The following RYR2 variants were observed in gnomAD, a reference collection of about 807,000 sequenced individuals.
RYR2 encodes ryanodine receptor 2, also known as cardiac muscle ryanodine receptor-calcium release channel.
Under a neutral mutation model 601.1 loss-of-function variants are expected in RYR2, and 227 were observed. The observed-to-expected ratio is 0.38, with a 90% CI of 0.34 to 0.42. The LOEUF (loss-of-function observed/expected upper bound fraction) is 0.42. RYR2 is among the 10% of genes least tolerant of loss of function. RYR2 has a pLI of 1.00. For synonymous variants in RYR2, 2,223 were observed against 2,175.1 expected (o/e 1.02, Z -0.61); for missense variants, 4,646 against 6,156.5 (o/e 0.75, Z 8.21).
chr1:237,799,828 AG>A (rs1457039019), intron 97 of RYR2, among the ~76,000 whole-genome samples: 2 of 152,212 alleles, frequency 1.3e-5, no homozygotes, highest in African/African-American at 4.8e-5. Context: ...GGGGTGGAAT[AG>A]CTGCAAGCAG....
chr1:237,759,891 GT>G, intron 83 of RYR2, 39 bp downstream of exon 83: 1 of 1,348,444 alleles, frequency 7.4e-7, no homozygotes, highest in Non-Finnish European at 1.0e-6. Context: ...CTACTCAGTG[GT>G]TGTATTTTTT....
At chr1:237,618,339 A>G (rs1433204875) in intron 38 of RYR2, among the ~76,000 whole-genome samples, 1 of 152,158 alleles carries the variant, frequency 6.6e-6, no homozygotes. Flanking sequence ...CTGCTTCTGG[A>G]AAGATGGAGT....
chr1:237,596,255 A>G (rs1319463454), intron 34 of RYR2, among the ~76,000 whole-genome samples: 3 of 152,234 alleles, frequency 2.0e-5, no homozygotes, highest in Non-Finnish European at 4.4e-5. Flanking sequence ...AATGATCTTA[A>G]GGGAACTCAG....
chr1:237,262,903 AT>A (rs551115674), intron 1 of RYR2, among the ~76,000 whole-genome samples: 31 of 149,488 alleles, frequency 2.1e-4, no homozygotes, highest in African/African-American at 5.6e-4. Context: ...GATGTGAGAG[AT>A]TTTTTTTTTA....
chr1:237,412,487 G>A (rs1367076856), intron 10 of RYR2, among the ~76,000 whole-genome samples: 1 of 152,148 alleles, frequency 6.6e-6, no homozygotes, highest in Non-Finnish European at 1.5e-5. Flanking sequence ...TTCCTATTCA[G>A]TGAAATTACA....
At chr1:237,198,266 T>G (rs1680781559) in intron 1 of RYR2, among the ~76,000 whole-genome samples, 1 of 152,208 alleles carries the variant, frequency 6.6e-6, no homozygotes, top group South Asian at 2.1e-4. Context: ...GCAGGACTAT[T>G]TAGTTTATGT....
At chr1:237,156,954 A>T (rs1461038071) in intron 1 of RYR2, among the ~76,000 whole-genome samples, 1 of 152,222 alleles carries the variant, frequency 6.6e-6, no homozygotes, top group Non-Finnish European at 1.5e-5. Context: ...AAAGTAGTAC[A>T]GCCACTGTGG....
intron 80 of RYR2, chr1:237,755,110 ACT>A: frequency 1.6e-6 from 2 of 1,287,780 alleles, no homozygotes; most frequent in South Asian, 1.2e-5. Flanking sequence ...CTCGGCGAGA[ACT>A]CTCTGGTAAC....
chr1:237,701,901 TAC>T, intron 65 of RYR2, 75 bp from the exon 66 acceptor site: 1 of 779,824 alleles, frequency 1.3e-6, no homozygotes. Context: ...AACTGAATAG[TAC>T]ATAGCTTAAG....
intron 1 of RYR2, among the ~76,000 whole-genome samples, chr1:237,113,431 C>T (rs576042136): frequency 1.3e-5 from 2 of 151,966 alleles, no homozygotes; most frequent in Non-Finnish European, 2.9e-5. Context: ...GAACTCCTGA[C>T]CTCAGATGAT....
chr1:237,209,021 A>G (rs1172686118), intron 1 of RYR2, among the ~76,000 whole-genome samples: 1 of 139,534 alleles, frequency 7.2e-6, no homozygotes, highest in Admixed American at 7.5e-5. Flanking sequence ...AGCCATGTGA[A>G]AATTTTTTAA....
intron 47 of RYR2, among the ~76,000 whole-genome samples, chr1:237,641,513 C>CTTTCTTTCTTTCTTTCTT (rs1456109232): frequency 1.1e-4 from 13 of 120,878 alleles, no homozygotes; most frequent in Non-Finnish European, 1.5e-4. Flanking sequence ...TTCTTTCTTT[C>CTTTCTTTCTTTCTTTCTT]TTTCTTTCTT....
intron 1 of RYR2, among the ~76,000 whole-genome samples, chr1:237,263,520 T>A (rs1278951369): frequency 6.6e-6 from 1 of 152,220 alleles, no homozygotes; most frequent in East Asian, 1.9e-4. Flanking sequence ...GTTTATGAAT[T>A]CTGTTCCTTG....
chr1:237,283,056 G>A (rs1691062519), intron 2 of RYR2, among the ~76,000 whole-genome samples: 1 of 152,056 alleles, frequency 6.6e-6, no homozygotes, highest in South Asian at 2.1e-4. Flanking sequence ...CCTCCAGTTG[G>A]GTTTTAATAA....
chr1:237,231,486 A>G (rs1301329209), intron 1 of RYR2, among the ~76,000 whole-genome samples: 1 of 152,066 alleles, frequency 6.6e-6, no homozygotes, highest in East Asian at 1.9e-4. Context: ...CTAGATGTAT[A>G]TGGGGCTATG....
intron 84 of RYR2, among the ~76,000 whole-genome samples, chr1:237,763,719 A>G (rs923235592): frequency 1.3e-5 from 2 of 152,318 alleles, no homozygotes; most frequent in South Asian, 4.1e-4. Flanking sequence ...CTATTGCCTT[A>G]ATCAAGAGAC....
chr1:237,382,351 A>G (rs1701589411), intron 8 of RYR2, among the ~76,000 whole-genome samples: 1 of 151,758 alleles, frequency 6.6e-6, no homozygotes, highest in African/African-American at 2.4e-5. Context: ...TTCTTACCCA[A>G]CTCTAAATTT....
In RYR2 at chr1:237,757,686, A is replaced by G; in HGVS notation, c.11246-11A>G. The G allele has an allele frequency of 6.3e-7, 1 of 1,579,810 alleles. No individual in the cohort carries two copies. Among genetic ancestry groups the G allele is most frequent in the Non-Finnish European group, 8.7e-7 (1 of 1,149,236 alleles). ...ATGATATAAGGAACACTACTTTTTT[A>G]TATTTCTTAGGTGAAACTGGACCAA... On this transcript the variant is annotated splice_polypyrimidine_tract_variant and intron_variant, in intron 81 of 104. Coordinates refer to ENST00000366574, the MANE Select transcript of RYR2 (RefSeq NM_001035.3).
Position 237,795,296 on chromosome 1 carries a change from C to T in RYR2, c.13921C>T (p.Pro4641Ser). ...DRLVINTQSFPNNYWDKFVKR... is the reference protein window; with the variant it reads ...DRLVINTQSFSNNYWDKFVKR... ...TGCTTTTGTATATTTTAGGTCATTTCCCAACAACTACTGGGACAAATTTGT... is the reference window on the plus strand; with the variant it reads ...TGCTTTTGTATATTTTAGGTCATTTTCCAACAACTACTGGGACAAATTTGT... Residue 4641 changes from proline (P) to serine (S), a missense_variant, in exon 96 of 105, where the codon CCC (proline) becomes TCC (serine). Physicochemically the swap from Pro to Ser is moderately conservative, Grantham distance 74 (BLOSUM62 -1). Around this residue, in one of 17 missense-constraint regions of RYR2, gnomAD observed 37 missense variants for 102.8 expected, o/e 0.36. Coordinates refer to ENST00000366574, the MANE Select transcript of RYR2 (RefSeq NM_001035.3). 7.1e-7 allele frequency: 1 copy of T among 1,401,638 alleles called. No individual in the cohort carries two copies. Among genetic ancestry groups the T allele is most frequent in the Non-Finnish European group, 9.8e-7 (1 of 1,018,910 alleles). The allele number at this position is 1,401,638 out of a possible 1,614,324, so 86.8% of individuals were successfully genotyped here.
Sources: allele counts gnomAD v4.1 joint callset (sites outside exome capture counted in the v4.1 genomes callset), GRCh38; gene constraint gnomAD v4.1.1; regional missense constraint gnomAD v4.1.1; transcripts MANE v1.5; gene names NCBI Gene and HGNC (gene_info 2026-07-23, HGNC 2026-07-21).